ATP8B4: variants seen among roughly 807,000 people sequenced by gnomAD.
ATP8B4 encodes probable phospholipid-transporting ATPase IM.
ATP8B4 carries 133 observed loss-of-function variants against 145.6 expected under a neutral mutation model. The observed-to-expected ratio is 0.91, with a 90% CI of 0.79 to 1.05. The LOEUF (loss-of-function observed/expected upper bound fraction) is 1.05. Ranked by LOEUF, ATP8B4 falls within the 50% of genes least tolerant of loss-of-function variation. The pLI is 0.00. For missense variants in ATP8B4, 1,458 were observed against 1,425.2 expected, an observed-to-expected ratio of 1.02 and a Z score of -0.37; for synonymous variants, 507 against 492.9, an observed-to-expected ratio of 1.03 and a Z score of -0.38.
chr15:49,950,912 T>C (rs958017058), intron 14 of ATP8B4, among the ~76,000 whole-genome samples: 1 of 152,186 alleles, frequency 6.6e-6, no homozygotes, highest in Non-Finnish European at 1.5e-5. Flanking sequence ...TTTGTTCTCA[T>C]TGGTTTCAAA....
intron 3 of ATP8B4, among the ~76,000 whole-genome samples, chr15:50,057,901 T>C (rs1423249155): frequency 6.6e-6 from 1 of 152,176 alleles, no homozygotes; most frequent in Non-Finnish European, 1.5e-5. Context: ...AATTTTTTTT[T>C]CTCCAGGGTG....
Position 49,897,476 on chromosome 15 carries a change from A to C in ATP8B4, c.2513T>G (p.Leu838Trp). Residue 838 changes from leucine to tryptophan, a missense_variant, in exon 23 of 28, where the codon TTG becomes TGG. Transcript: ENST00000284509. The part of the protein sequence containing the change: ...IGVGISGQEG[L>W]QAVLASDYSF... ...ATAGTCGCTGGCTAAGACTGCTTGC[A>C]ATCCTTCCTGGCCGCTGATGCCAAC... 6.3e-7 allele frequency: 1 copy of C among 1,585,516 alleles called. No individual in the cohort carries two copies. The highest frequency in any genetic ancestry group is 8.6e-7 in the Non-Finnish European group (1 of 1,165,046).
chr15:50,138,233 A>G (rs1200031763), intron 1 of ATP8B4, among the ~76,000 whole-genome samples: 1 of 152,132 alleles, frequency 6.6e-6, no homozygotes, highest in Admixed American at 6.6e-5. Flanking sequence ...CACTAAGGAA[A>G]TGATCTGAGG....
intron 1 of ATP8B4, among the ~76,000 whole-genome samples, chr15:50,150,669 G>A (rs140878911): frequency 7.2e-5 from 11 of 152,322 alleles, no homozygotes; most frequent in East Asian, 1.9e-4. Flanking sequence ...TGTCTGTTTC[G>A]TAGGGGTTTG....
intron 13 of ATP8B4, among the ~76,000 whole-genome samples, chr15:49,971,882 C>T (rs2045173334): frequency 6.6e-6 from 1 of 152,280 alleles, no homozygotes; most frequent in East Asian, 1.9e-4. Context: ...AAATGCCCAT[C>T]AGTGATAGAC....
At chr15:49,999,291 AC>A (rs1220072502) in intron 8 of ATP8B4, among the ~76,000 whole-genome samples, 1 of 149,998 alleles carries the variant, frequency 6.7e-6, no homozygotes, top group Non-Finnish European at 1.5e-5. Flanking sequence ...AGAACAAAAA[AC>A]CAAACACCGC....
At chr15:49,894,058 C>T (rs2037122266) in intron 23 of ATP8B4, among the ~76,000 whole-genome samples, 1 of 152,190 alleles carries the variant, frequency 6.6e-6, no homozygotes, top group Non-Finnish European at 1.5e-5. Context: ...CTCTCCTCTC[C>T]AACAGGTGAT....
At chr15:50,159,777 G>A (rs2044487407) in intron 1 of ATP8B4, among the ~76,000 whole-genome samples, 1 of 152,054 alleles carries the variant, frequency 6.6e-6, no homozygotes, top group Non-Finnish European at 1.5e-5. Flanking sequence ...GTACCACATT[G>A]ATTGATTTGT....
intron 23 of ATP8B4, 48 bp from the exon 24 acceptor site, chr15:49,879,507 G>A: frequency 6.8e-7 from 1 of 1,479,698 alleles, no homozygotes; most frequent in Non-Finnish European, 9.2e-7. Flanking sequence ...CCATAGTAGT[G>A]AGAATATTCA....
Position 49,910,346 on chromosome 15 carries a change from G to A in ATP8B4, c.2141+6588C>T, listed in dbSNP as rs534263486. On this transcript the variant is annotated intron_variant, in intron 20 of 27. Coordinates refer to ENST00000284509, the MANE Select transcript of ATP8B4 (RefSeq NM_024837.4). ...AGTAGACAAAGCCTACATAACGTGC[G>A]AGACAACATAAAGCAACCACATATC... Among the ~76,000 whole-genome samples the A allele has an allele frequency of 1.2e-4, 19 of 152,202 alleles. No individual in the cohort carries two copies. The East Asian group carries it at 2.3e-3, about 19-fold the overall frequency.
intron 6 of ATP8B4, among the ~76,000 whole-genome samples, chr15:50,024,362 A>G (rs777321839): frequency 6.6e-6 from 1 of 152,158 alleles, no homozygotes; most frequent in African/African-American, 2.4e-5. Flanking sequence ...TTTACAGTTC[A>G]TATGGTTTCC....
chr15:50,134,239 A>G (rs1032572281), intron 1 of ATP8B4, among the ~76,000 whole-genome samples: 1 of 152,144 alleles, frequency 6.6e-6, no homozygotes, highest in African/African-American at 2.4e-5. Flanking sequence ...ATAAAAATTA[A>G]AAGTTGGAGT....
chr15:50,003,108 T>C (rs927124263), intron 7 of ATP8B4, among the ~76,000 whole-genome samples: 2 of 152,232 alleles, frequency 1.3e-5, no homozygotes, highest in African/African-American at 4.8e-5. Flanking sequence ...TTTCTAGCTA[T>C]GTCTGAATGT....
chr15:49,900,953 C>T (rs1037906790), intron 21 of ATP8B4, 139 bp downstream of exon 21: 2 of 1,115,434 alleles, frequency 1.8e-6, no homozygotes, highest in Non-Finnish European at 1.2e-6. Flanking sequence ...CCTTTGCAAA[C>T]AGGAAATCAT....
At position 49,934,156 on chromosome 15, in the gene ATP8B4, G is replaced by A; in HGVS notation, c.1314C>T (p.Val438=). The change falls in exon 15 of 28, where the codon GTC becomes GTT. Residue 438 remains valine (V), a synonymous_variant. Transcript: ENST00000284509. ...GAAATTCTCTATCCGCTTGAGATTTGACTGAGAAATCCACAGGCTCTTTTT... is the reference window on the plus strand; with the variant it reads ...GAAATTCTCTATCCGCTTGAGATTTAACTGAGAAATCCACAGGCTCTTTTT... The part of the protein sequence containing the change: ...TQEKEPVDFS[V]KSQADREFQF... 1.2e-6 allele frequency: 2 copies of A among 1,611,322 alleles called. No individual in the cohort carries two copies. Among genetic ancestry groups the A allele is most frequent in the Non-Finnish European group, 1.7e-6 (2 of 1,178,898 alleles).
chr15:49,943,810 T>C (rs1480506335), intron 14 of ATP8B4, among the ~76,000 whole-genome samples: 1 of 152,184 alleles, frequency 6.6e-6, no homozygotes, highest in East Asian at 1.9e-4. Context: ...AATATATGGA[T>C]GAATACAGAA....
chr15:50,114,361 G>T (rs1341555651), intron 1 of ATP8B4: 1 of 151,910 alleles, frequency 6.6e-6, no homozygotes, highest in African/African-American at 2.4e-5. Context: ...GAGAACATAC[G>T]ATGTTTGGTT....
At position 50,074,133 on chromosome 15, in the gene ATP8B4, C is replaced by T. The variant is rs1313602822; in HGVS notation, c.81G>A (p.Gln27=). The T allele has an allele frequency of 6.2e-7, 1 of 1,612,552 alleles. No homozygotes were observed. Among genetic ancestry groups the T allele is most frequent in the Non-Finnish European group, 8.5e-7 (1 of 1,178,976 alleles). The change falls in exon 3 of 28, where the codon CAG becomes CAA. Residue 27 remains glutamine, a synonymous_variant. Coordinates refer to ENST00000284509, the MANE Select transcript of ATP8B4 (RefSeq NM_024837.4). ...TTATGTGTGTTTCACTTACCGCATA[C>T]TGGAACTTTTCATTATATTCACGGT... ...ANDREYNEKF[Q]YADNRIHTSK...
At chr15:49,929,339 A>C (rs1178861156) in intron 16 of ATP8B4, among the ~76,000 whole-genome samples, 1 of 152,170 alleles carries the variant, frequency 6.6e-6, no homozygotes, top group Admixed American at 6.5e-5. Context: ...TGCAGTTGCA[A>C]CGATTCAATA....
Sources: allele counts gnomAD v4.1 joint callset (sites outside exome capture counted in the v4.1 genomes callset), GRCh38; gene constraint gnomAD v4.1.1; transcripts MANE v1.5; gene names NCBI Gene and HGNC (gene_info 2026-07-23, HGNC 2026-07-21).